Variants in CLVS1 observed in about 807,000 individuals in gnomAD.
CLVS1 encodes clavesin-1.
In CLVS1, 10 loss-of-function variants were observed where a neutral mutation model predicts 33.1. The ratio of observed to expected loss-of-function variants is 0.30; its 90% CI spans 0.19 to 0.51. CLVS1 has a LOEUF of 0.51. CLVS1 is among the 20% of genes least tolerant of loss of function. The probability of loss-of-function intolerance (pLI) is 0.97; values close to 1 mark genes in which losing one functional copy is unlikely to be tolerated. For missense variants in CLVS1, 343 were observed against 433.4 expected (o/e 0.79, Z 1.85); for synonymous variants, 163 against 166.1 (o/e 0.98, Z 0.14).
intron 2 of CLVS1, among the ~76,000 whole-genome samples, chr8:61,309,497 A>G (rs73682216): frequency 6.6e-6 from 1 of 152,286 alleles, no homozygotes; most frequent in African/African-American, 2.4e-5. Context: ...AGGATATTTG[A>G]CCTTCTTTCC....
intron 2 of CLVS1, among the ~76,000 whole-genome samples, chr8:61,357,489 C>CTTTTCTT (rs1812773908): frequency 3.3e-5 from 1 of 30,284 alleles, no homozygotes; most frequent in African/African-American, 1.1e-4. Context: ...TTTCCTTTTT[C>CTTTTCTT]TTTTCTTTTT....
the CLVS1 span, among the ~76,000 whole-genome samples, chr8:61,039,434 C>T: frequency 1.3e-5 from 2 of 152,216 alleles, no homozygotes; most frequent in South Asian, 2.1e-4. Context: ...CACACAGGCT[C>T]CTTCAGGTAG....
intron 2 of CLVS1, among the ~76,000 whole-genome samples, chr8:61,266,777 TG>T (rs1256037390): frequency 9.2e-5 from 14 of 152,236 alleles, no homozygotes; most frequent in Admixed American, 3.9e-4. Context: ...AATCCAGATT[TG>T]TTTTTTTATT....
intron 2 of CLVS1, among the ~76,000 whole-genome samples, chr8:61,182,269 G>C (rs141500541): frequency 6.7e-4 from 102 of 152,198 alleles, no homozygotes; most frequent in Non-Finnish European, 1.3e-3. Context: ...ACATGGGCAT[G>C]GGCAAAGATT....
intron 2 of CLVS1, among the ~76,000 whole-genome samples, chr8:61,165,771 G>T (rs1443700594): frequency 1.3e-5 from 2 of 152,204 alleles, no homozygotes; most frequent in Non-Finnish European, 2.9e-5. Context: ...CCTGAGGGCT[G>T]TGTCACGGGC....
chr8:60,995,347 C>T, the CLVS1 span, among the ~76,000 whole-genome samples: 49 of 151,808 alleles, frequency 3.2e-4, no homozygotes, highest in East Asian at 8.3e-3. Flanking sequence ...AAAAAGTGGG[C>T]GAAGGACATG....
intron 3 of CLVS1, among the ~76,000 whole-genome samples, chr8:61,447,705 T>C (rs2129606659): frequency 6.6e-6 from 1 of 152,182 alleles, no homozygotes; most frequent in South Asian, 2.1e-4. Context: ...TTTCCTCCCC[T>C]ACATACATCT....
chr8:61,018,360 G>T, the CLVS1 span, among the ~76,000 whole-genome samples: 1 of 152,180 alleles, frequency 6.6e-6, no homozygotes, highest in Non-Finnish European at 1.5e-5. Flanking sequence ...AGAATTACAG[G>T]GAGGGAGTGC....
At chr8:61,103,118 C>G (rs1046059372) in intron 1 of CLVS1, among the ~76,000 whole-genome samples, 3 of 152,190 alleles carry the variant, frequency 2.0e-5, no homozygotes, top group African/African-American at 7.2e-5. Flanking sequence ...TGATGTAACA[C>G]AAGGTCCCAT....
chr8:61,324,396 A>G (rs1333005156), intron 2 of CLVS1, among the ~76,000 whole-genome samples: 1 of 152,080 alleles, frequency 6.6e-6, no homozygotes, highest in Non-Finnish European at 1.5e-5. Context: ...TTCACCTCCC[A>G]CCATGATTCT....
chr8:61,402,078 A>G (rs887256066), intron 3 of CLVS1, among the ~76,000 whole-genome samples: 7 of 152,084 alleles, frequency 4.6e-5, no homozygotes. Flanking sequence ...CGGTAAATTG[A>G]TGGACAGACA....
intron 2 of CLVS1, among the ~76,000 whole-genome samples, chr8:61,241,470 C>T (rs1036713022): frequency 6.6e-6 from 1 of 151,640 alleles, no homozygotes; most frequent in African/African-American, 2.4e-5. Flanking sequence ...AATATATATT[C>T]CAATATATAA....
At chr8:61,249,586 T>C (rs1345996674) in intron 2 of CLVS1, among the ~76,000 whole-genome samples, 5 of 152,180 alleles carry the variant, frequency 3.3e-5, no homozygotes, top group African/African-American at 1.2e-4. Context: ...GCATCTATTA[T>C]TTCCTGACTT....
chr8:61,373,506 T>G (rs554918709), intron 2 of CLVS1, among the ~76,000 whole-genome samples: 2 of 152,100 alleles, frequency 1.3e-5, no homozygotes, highest in Non-Finnish European at 2.9e-5. Context: ...TCTCTTGGAG[T>G]GGGTAAGTGT....
chr8:61,209,988 A>G (rs1362683770), intron 2 of CLVS1, among the ~76,000 whole-genome samples: 1 of 152,164 alleles, frequency 6.6e-6, no homozygotes, highest in Non-Finnish European at 1.5e-5. Flanking sequence ...TAATAAATTG[A>G]CTCTGACTTC....
the CLVS1 span, among the ~76,000 whole-genome samples, chr8:61,013,800 C>T: frequency 6.6e-6 from 1 of 152,170 alleles, no homozygotes; most frequent in Non-Finnish European, 1.5e-5. Context: ...GACCCCTCCT[C>T]CCACCATCAG....
intron 3 of CLVS1, among the ~76,000 whole-genome samples, chr8:61,410,095 T>TTTTC (rs1425165953): frequency 3.2e-5 from 4 of 123,908 alleles, no homozygotes; most frequent in Non-Finnish European, 3.6e-5. Flanking sequence ...TCTTTGTTTT[T>TTTTC]GCTAGGTAAA....
chr8:61,289,452 T>C (rs1809899825), intron 1 of CLVS1, among the ~76,000 whole-genome samples: 1 of 152,250 alleles, frequency 6.6e-6, no homozygotes, highest in Non-Finnish European at 1.5e-5. Flanking sequence ...AATAAGTGCC[T>C]GAGCCTGTCA....
intron 1 of CLVS1, among the ~76,000 whole-genome samples, chr8:61,290,248 A>G (rs1447980012): frequency 2.6e-5 from 4 of 152,184 alleles, no homozygotes; most frequent in Admixed American, 1.3e-4. Flanking sequence ...ATTTACAGGC[A>G]TCTGTCTGTA....
Sources: gnomAD v4.1 joint callset for allele counts (sites outside exome capture counted in the v4.1 genomes callset) on GRCh38, gnomAD v4.1.1 for gene constraint, MANE v1.5 for transcripts, NCBI Gene and HGNC (gene_info 2026-07-23, HGNC 2026-07-21) for gene names.